Variants in SCRT2 observed in about 807,000 individuals in gnomAD.
SCRT2 encodes the protein transcriptional repressor scratch 2.
In SCRT2, 2 loss-of-function variants were observed where a neutral mutation model predicts 3.7. The observed-to-expected ratio is 0.54, with a 90% confidence interval of 0.22 to 1.70. The LOEUF is 1.70. Ranked by LOEUF, SCRT2 falls within the 40% of genes most tolerant of loss-of-function variation. The pLI is 0.19. For synonymous variants in SCRT2, 256 were observed against 220.6 expected (o/e 1.16, Z -1.42); for missense variants, 456 against 468.5 (o/e 0.97, Z 0.25).
intron 1 of SCRT2, among the ~76,000 whole-genome samples, chr20:671,456 G>C (rs1480419458): frequency 6.6e-6 from 1 of 152,240 alleles, no homozygotes; most frequent in Non-Finnish European, 1.5e-5. Flanking sequence ...AGATGGGTCT[G>C]CTGTGTGTCC....
Position 663,693 on chromosome 20 carries a change from G to A in SCRT2, c.902C>T (p.Thr301Ile), listed in dbSNP as rs753082465. Residue 301 changes from threonine (T) to isoleucine (I), a missense_variant, in exon 2 of 2, where the codon ACC becomes ATC. By Grantham distance (89) the Thr-to-Ile change is moderately conservative (BLOSUM62 -1). This residue lies in a region of SCRT2 where 144 missense variants were observed against 141.9 expected (regional missense o/e 1.01). Coordinates refer to ENST00000246104, the MANE Select transcript of SCRT2 (RefSeq NM_033129.4). This position sits in a 1 kb window ranked among gnomAD's most constrained non-coding sequence, Gnocchi z 6.9. ...GGCTCAGCTGGCCGGGCCGGCGGGGGTCGGCGGGGGTGGCTCGGCCGCCTT... is the reference window on the plus strand; with the variant it reads ...GGCTCAGCTGGCCGGGCCGGCGGGGATCGGCGGGGGTGGCTCGGCCGCCTT... Reference protein sequence around the residue: ...CAKAAEPPPPTPAGPAS With the variant: ...CAKAAEPPPPIPAGPAS The A allele has an allele frequency of 2.0e-6, 3 of 1,509,700 alleles. No homozygotes were observed. The highest frequency in any genetic ancestry group is 2.6e-5 in the East Asian group (1 of 38,640). The allele number at this position is 1,509,700 out of a possible 1,614,324, so 93.5% of individuals were successfully genotyped here.
In SCRT2 at chr20:664,138, GC is replaced by G; in HGVS notation, c.456del (p.His153ThrfsTer18). ...AGRAGAQAGG[G>X]HRHACAECGK... ...CCGCACTCGGCGCACGCGTGCCGGTGCCCGCCGCCCGCCTGCGCCCCCGCGC... is the reference window on the plus strand; with the variant it reads ...CCGCACTCGGCGCACGCGTGCCGGTGCCGCCGCCCGCCTGCGCCCCCGCGC... On this transcript the variant is annotated frameshift_variant, in exon 2 of 2. Coordinates refer to ENST00000246104, the MANE Select transcript of SCRT2 (RefSeq NM_033129.4). LOFTEE classifies it low-confidence loss of function (END_TRUNC). The surrounding 1 kb of genome is among the most constrained non-coding windows in gnomAD (Gnocchi z 7.9). The G allele has an allele frequency of 7.1e-7, 1 of 1,401,654 alleles. No individual in the cohort carries two copies. Among genetic ancestry groups the G allele is most frequent in the Non-Finnish European group, 9.3e-7 (1 of 1,072,102 alleles). The allele number at this position is 1,401,654 out of a possible 1,614,324, so 86.8% of individuals were successfully genotyped here. A position where few individuals can be genotyped will look rare whatever the true frequency, so the allele number is the denominator to read the frequency against.
chr20:664,188 C>T lies in SCRT2; in HGVS notation c.407G>A (p.Gly136Glu). ...GCGCCCCGCGCGCCCCCCGGCGCCCCCCGCGTCTCCCGAGCCCCCCGCGTC... is the reference window on the plus strand; with the variant it reads ...GCGCCCCGCGCGCCCCCCGGCGCCCTCCGCGTCTCCCGAGCCCCCCGCGTC... The part of the protein sequence containing the change: ...GGDAGGSGDA[G>E]GAGGRAGRAG... Residue 136 changes from glycine to glutamate, a missense_variant, in exon 2 of 2, where the codon GGG becomes GAG. By Grantham distance (98) the Gly-to-Glu change is moderately conservative. Coordinates refer to ENST00000246104, the MANE Select transcript of SCRT2 (RefSeq NM_033129.4). This position sits in a 1 kb window ranked among gnomAD's most constrained non-coding sequence, Gnocchi z 7.9. 1.9e-6 allele frequency: 2 copies of T among 1,075,448 alleles called. No individual in the cohort carries two copies. Among genetic ancestry groups the T allele is most frequent in the Non-Finnish European group, 2.2e-6 (2 of 889,414 alleles). 66.6% of individuals were successfully genotyped at this position (1,075,448 alleles called of 1,614,324 possible). A position where few individuals can be genotyped will look rare whatever the true frequency, so the allele number is the denominator to read the frequency against.
rs768555428 is a variant in SCRT2, at chr20:675,491, G to C, written c.111C>G (p.Ala37=). 7.3e-6 allele frequency: 10 copies of C among 1,367,742 alleles called. No individual in the cohort carries two copies. The highest frequency in any genetic ancestry group is 9.5e-6 in the Non-Finnish European group (10 of 1,056,000). 84.7% of individuals were successfully genotyped at this position (1,367,742 alleles called of 1,614,324 possible). ...CACCGTTGTCCCCGGGAGGCCCCCG[G>C]GCGCCAGGCAGCACGTAGGCTGTCT... ...PLETAYVLPG[A]RGPPGDNGYA... Residue 37 remains alanine, a synonymous_variant, in exon 1 of 2, where the codon GCC becomes GCG. Transcript: ENST00000246104. The surrounding 1 kb of genome is among the most constrained non-coding windows in gnomAD (Gnocchi z 6.9).
At chr20:673,594 C>A (rs1042138665) in intron 1 of SCRT2, among the ~76,000 whole-genome samples, 1 of 152,208 alleles carries the variant, frequency 6.6e-6, no homozygotes, top group Non-Finnish European at 1.5e-5. Context: ...GGGTGTTAAA[C>A]CCGGTGGAAC....
Position 663,698 on chromosome 20 carries a change from C to G in SCRT2, c.897G>C (p.Pro299=), listed in dbSNP as rs1450327996. Residue 299 remains proline, a synonymous_variant, in exon 2 of 2, where the codon CCG becomes CCC. Transcript: ENST00000246104. This position sits in a 1 kb window ranked among gnomAD's most constrained non-coding sequence, Gnocchi z 6.9. ...AGCTGGCCGGGCCGGCGGGGGTCGG[C>G]GGGGGTGGCTCGGCCGCCTTGGCGC... The part of the protein sequence containing the change: ...AACAKAAEPP[P]PTPAGPAS 6 of 1,513,838 alleles carry G rather than the reference C, an allele frequency of 4.0e-6. No homozygotes were observed. The Admixed American group carries it at 1.2e-4, about 30-fold the overall frequency. 93.8% of individuals were successfully genotyped at this position (1,513,838 alleles called of 1,614,324 possible).
chr20:670,078 C>T (rs1303003961), intron 1 of SCRT2, among the ~76,000 whole-genome samples: 1 of 152,230 alleles, frequency 6.6e-6, no homozygotes, highest in Non-Finnish European at 1.5e-5. Context: ...CTGGTCTTTC[C>T]TGACTGTGAC....
At chr20:671,627 C>T (rs539006239) in intron 1 of SCRT2, among the ~76,000 whole-genome samples, 1 of 152,270 alleles carries the variant, frequency 6.6e-6, no homozygotes, top group East Asian at 1.9e-4. Context: ...AGCGACTACC[C>T]GGCACCATCA....
At chr20:668,165 A>ATTG (rs58044406) in intron 1 of SCRT2, among the ~76,000 whole-genome samples, 116,883 of 151,652 alleles carry the variant, frequency 0.77, 45,196 homozygotes, top group Admixed American at 0.81. Context: ...AGCTGTTATT[A>ATTG]TTGTTACTGG....
At chr20:672,171 T>A (rs1984353651) in intron 1 of SCRT2, among the ~76,000 whole-genome samples, 1 of 152,024 alleles carries the variant, frequency 6.6e-6, no homozygotes, top group African/African-American at 2.4e-5. Flanking sequence ...AAGAGAGGCA[T>A]CTTACTTGAG....
chr20:671,659 C>T (rs1223897039), intron 1 of SCRT2, among the ~76,000 whole-genome samples: 6 of 152,120 alleles, frequency 3.9e-5, no homozygotes, highest in South Asian at 2.1e-4. Flanking sequence ...AGGAAGTGGG[C>T]GCTGGTTTAA....
chr20:672,005 A>G (rs1984347931), intron 1 of SCRT2, among the ~76,000 whole-genome samples: 1 of 152,094 alleles, frequency 6.6e-6, no homozygotes, highest in Non-Finnish European at 1.5e-5. Flanking sequence ...AGTATCCTTC[A>G]GATGGGGGCC....
chr20:663,537 C>T lies in SCRT2; in HGVS notation c.*134G>A. 2.4e-6 allele frequency: 2 copies of T among 827,004 alleles called. No individual in the cohort carries two copies. Among genetic ancestry groups the T allele is most frequent in the Non-Finnish European group, 3.3e-6 (2 of 612,800 alleles). 51.2% of individuals were successfully genotyped at this position (827,004 alleles called of 1,614,324 possible). On this transcript the variant is annotated 3_prime_UTR_variant, in exon 2 of 2. Transcript: ENST00000246104. This position sits in a 1 kb window ranked among gnomAD's most constrained non-coding sequence, Gnocchi z 6.9. ...GGGGTTGGGGAGAAAAGTTCCGGGC[C>T]GGGCCGGGGGTCCCCACGAGAGGGT...
chr20:663,676 T>G lies in SCRT2; in HGVS notation c.919A>C (p.Ser307Arg), dbSNP rs1984037891. Residue 307 changes from serine (S) to arginine (R), a missense_variant, in exon 2 of 2, where the codon AGC (serine) becomes CGC (arginine). Transcript: ENST00000246104. This position sits in a 1 kb window ranked among gnomAD's most constrained non-coding sequence, Gnocchi z 6.9. ...PPPPTPAGPA[S>R] ...GCGAGGGCGAGGCGGAAGGCTCAGC[T>G]GGCCGGGCCGGCGGGGGTCGGCGGG... 6.7e-7 allele frequency: 1 copy of G among 1,492,736 alleles called. No homozygotes were observed. Among genetic ancestry groups the G allele is most frequent in the African/African-American group, 1.5e-5 (1 of 68,914 alleles). 92.5% of individuals were successfully genotyped at this position (1,492,736 alleles called of 1,614,324 possible).
chr20:667,345 T>C lies in SCRT2; in HGVS notation c.134-2884A>G, dbSNP rs1984186278. ...AGAGCCAGGATTCCAGCTCAGTGGC[T>C]GGCACATTTTAAATCCACCACGCAT... On this transcript the variant is annotated intron_variant, in intron 1 of 1. Coordinates refer to ENST00000246104, the MANE Select transcript of SCRT2 (RefSeq NM_033129.4). The surrounding 1 kb of genome is among the most constrained non-coding windows in gnomAD (Gnocchi z 4.4). Among the ~76,000 whole-genome samples, 1 of 152,222 alleles carries C rather than the reference T, an allele frequency of 6.6e-6. No individual in the cohort carries two copies. Among genetic ancestry groups the C allele is most frequent in the African/African-American group, 2.4e-5 (1 of 41,454 alleles).
In SCRT2 at chr20:664,439, G is replaced by A; in HGVS notation, c.156C>T (p.Pro52=). 2.3e-6 allele frequency: 3 copies of A among 1,289,360 alleles called. No homozygotes were observed. Among genetic ancestry groups the A allele is most frequent in the Non-Finnish European group, 3.0e-6 (3 of 1,013,864 alleles). 79.9% of individuals were successfully genotyped at this position (1,289,360 alleles called of 1,614,324 possible). Residue 52 remains proline, a synonymous_variant, in exon 2 of 2, where the codon CCC becomes CCT. Coordinates refer to ENST00000246104, the MANE Select transcript of SCRT2 (RefSeq NM_033129.4). The surrounding 1 kb of genome is among the most constrained non-coding windows in gnomAD (Gnocchi z 7.9). ...TCTGGTCCGCATCGTAGCTGCTCGG[G>A]GGCAGGCGGTGCGGGGCGTACCCTG... ...GDNGYAPHRL[P]PSSYDADQKP... is the part of the protein sequence containing the mutation.
Position 667,592 on chromosome 20 carries a change from A to T in SCRT2, c.134-3131T>A, listed in dbSNP as rs1027350888. Among the ~76,000 whole-genome samples the T allele has an allele frequency of 6.6e-6, 1 of 152,182 alleles. No homozygotes were observed. The highest frequency in any genetic ancestry group is 2.4e-5 in the African/African-American group (1 of 41,438). ...GCGTTCTCCATGAGGTGCTCTGCCCATGGCGCCCTCTGCTGGTGGCCCTCA... is the reference window on the plus strand; with the variant it reads ...GCGTTCTCCATGAGGTGCTCTGCCCTTGGCGCCCTCTGCTGGTGGCCCTCA... On this transcript the variant is annotated intron_variant, in intron 1 of 1. Coordinates refer to ENST00000246104, the MANE Select transcript of SCRT2 (RefSeq NM_033129.4). This position sits in a 1 kb window ranked among gnomAD's most constrained non-coding sequence, Gnocchi z 4.4.
At chr20:669,130 G>GGGGT (rs1166039071) in intron 1 of SCRT2, among the ~76,000 whole-genome samples, 1 of 151,852 alleles carries the variant, frequency 6.6e-6, no homozygotes, top group Non-Finnish European at 1.5e-5. Flanking sequence ...AGCCTGTGGT[G>GGGGT]GGGTGGGTGG....
intron 1 of SCRT2, among the ~76,000 whole-genome samples, chr20:668,501 A>T (rs1298343649): frequency 6.6e-6 from 1 of 152,108 alleles, no homozygotes; most frequent in Non-Finnish European, 1.5e-5. Context: ...CTCAGGTGAG[A>T]TCTCTCATCC....
Sources: allele counts gnomAD v4.1 joint callset (sites outside exome capture counted in the v4.1 genomes callset), GRCh38; gene constraint gnomAD v4.1.1; regional missense constraint gnomAD v4.1.1; non-coding constraint Gnocchi (gnomAD v3.1); transcripts MANE v1.5; gene names NCBI Gene and HGNC (gene_info 2026-07-23, HGNC 2026-07-21).